The following ITGB2 variants were observed in gnomAD, a reference collection of about 807,000 sequenced individuals.
ITGB2 encodes the protein integrin beta-2.
In ITGB2, 56 loss-of-function variants were observed where a neutral mutation model predicts 86.8. That is an observed-to-expected ratio of 0.65 (90% CI 0.52 to 0.81). The LOEUF (loss-of-function observed/expected upper bound fraction) is 0.81, where lower values mean the gene tolerates loss of function less well. ITGB2 is among the 30% of genes least tolerant of loss of function. The pLI is 0.00. For synonymous variants in ITGB2, 457 were observed against 450.4 expected (o/e 1.01, Z -0.19); for missense variants, 948 against 1,061.2 (o/e 0.89, Z 1.48).
At chr21:44,895,701 C>T (rs1297816284) in intron 8 of ITGB2, among the ~76,000 whole-genome samples, 1 of 149,966 alleles carries the variant, frequency 6.7e-6, no homozygotes, top group South Asian at 2.1e-4. Flanking sequence ...ATTAGCTGGG[C>T]GTGGTGGTGG....
rs1437972539 is a variant in ITGB2 at position 44,889,507 on chromosome 21, G to A, written c.1658-12C>T. The A allele has an allele frequency of 6.4e-7, 1 of 1,552,664 alleles. No homozygotes were observed. Among genetic ancestry groups the A allele is most frequent in the Non-Finnish European group, 8.7e-7 (1 of 1,148,738 alleles). ...GCAGAGCCCCCTCCCTGGAAGACGG[G>A]GCAGCACGGCTAAGCTCCTGCTTGG... On this transcript the variant is annotated splice_polypyrimidine_tract_variant and intron_variant, in intron 12 of 15. Coordinates refer to ENST00000652462, the MANE Select transcript of ITGB2 (RefSeq NM_000211.5).
intron 1 of ITGB2, among the ~76,000 whole-genome samples, chr21:44,920,367 C>T (rs971344094): frequency 6.6e-6 from 1 of 152,176 alleles, no homozygotes; most frequent in Non-Finnish European, 1.5e-5. Context: ...CACTGCGAGT[C>T]GATCTGGAGA....
upstream of ITGB2, among the ~76,000 whole-genome samples, chr21:44,925,403 G>T (rs2084358602): frequency 1.0e-5 from 1 of 98,886 alleles, no homozygotes; most frequent in Non-Finnish European, 1.9e-5. Context: ...AAGAAAGGAA[G>T]AAGGAAGGGA....
At chr21:44,889,184 G>A (rs983048997) in intron 13 of ITGB2, 92 bp downstream of exon 13, 29 of 1,262,778 alleles carry the variant, frequency 2.3e-5, no homozygotes, top group Non-Finnish European at 1.5e-5. Flanking sequence ...GTGCAGAGGT[G>A]CTCACTGGGG....
In ITGB2 at chr21:44,888,737, T is replaced by C; in HGVS notation, c.2036A>G (p.Gln679Arg). ...GCWVAYTLEQQDGMDRYLIYV... is the reference protein window; with the variant it reads ...GCWVAYTLEQRDGMDRYLIYV... The stretch of plus-strand genomic sequence containing the variant: ...GATGAGGTAGCGGTCCATCCCGTCC[T>C]GCTGCTCCAGCGTGTAGGCCACCCA... The change falls in exon 14 of 16, where the codon CAG (glutamine) becomes CGG (arginine). Residue 679 changes from glutamine to arginine, a missense_variant. Physicochemically the swap from Gln to Arg is conservative, Grantham distance 43. Coordinates refer to ENST00000652462, the MANE Select transcript of ITGB2 (RefSeq NM_000211.5). The C allele has an allele frequency of 6.2e-7, 1 of 1,611,370 alleles. No homozygotes were observed. Among genetic ancestry groups the C allele is most frequent in the Non-Finnish European group, 8.5e-7 (1 of 1,179,964 alleles).
chr21:44,893,385 C>T lies in ITGB2; in HGVS notation c.1224+19G>A. The T allele has an allele frequency of 1.2e-6, 2 of 1,613,046 alleles. No individual in the cohort carries two copies. The highest frequency in any genetic ancestry group is 1.7e-6 in the Non-Finnish European group (2 of 1,179,432). On this transcript the variant is annotated intron_variant, in intron 10 of 15. Coordinates refer to ENST00000652462, the MANE Select transcript of ITGB2 (RefSeq NM_000211.5). The stretch of plus-strand genomic sequence containing the variant: ...GCCCCTCAGCAAGCTGGGATGGGGA[C>T]CCTTGTGGCCAGGCTCACCGGGACA...
chr21:44,893,735 G>C, intron 9 of ITGB2, 191 bp from the exon 10 acceptor site: 1 of 682,990 alleles, frequency 1.5e-6, no homozygotes, highest in Admixed American at 2.1e-5. Flanking sequence ...TCCTGCCCTC[G>C]AGACAGCCTG....
At chr21:44,892,075 C>T (rs2083793838) in intron 10 of ITGB2, 79 bp from the exon 11 acceptor site, 3 of 1,429,086 alleles carry the variant, frequency 2.1e-6, no homozygotes, top group Non-Finnish European at 2.9e-6. Context: ...CACCTCCTGG[C>T]CTCTGCAGGG....
At position 44,910,706 on chromosome 21, in the gene ITGB2, C is replaced by T. The variant is rs747110525; in HGVS notation, c.58+19G>A. ...GGAATGTCACGCGTGGAGTCCCCTC[C>T]GTGGAACACAGAACTCACCGCACCC... On this transcript the variant is annotated intron_variant, in intron 2 of 15. Coordinates refer to ENST00000652462, the MANE Select transcript of ITGB2 (RefSeq NM_000211.5). The T allele has an allele frequency of 9.9e-6, 16 of 1,612,876 alleles. No individual in the cohort carries two copies. Among genetic ancestry groups the T allele is most frequent in the African/African-American group, 1.3e-5 (1 of 74,916 alleles).
rs1255398278 is a variant in ITGB2 at position 44,895,140 on chromosome 21, CT to C, written c.994-81del. ...CCACGCACTGGGCTCACCCCAGGGGCTTCTGCACCTGCAAAATGGCTGGGAC... is the reference window on the plus strand; with the variant it reads ...CCACGCACTGGGCTCACCCCAGGGGCTCTGCACCTGCAAAATGGCTGGGAC... On this transcript the variant is annotated intron_variant, in intron 8 of 15. Transcript: ENST00000652462. 12 of 1,022,064 alleles carry C rather than the reference CT, an allele frequency of 1.2e-5. No individual in the cohort carries two copies. The East Asian group carries it at 2.8e-4, about 24-fold the overall frequency. 63.3% of individuals were successfully genotyped at this position (1,022,064 alleles called of 1,614,324 possible).
At chr21:44,898,900 C>T (rs751750121) in intron 8 of ITGB2, among the ~76,000 whole-genome samples, 167 bp downstream of exon 8, 24 of 152,206 alleles carry the variant, frequency 1.6e-4, no homozygotes, top group African/African-American at 5.8e-4. Flanking sequence ...CTGTCCCCGA[C>T]GGGAAGCCTC....
intron 1 of ITGB2, among the ~76,000 whole-genome samples, chr21:44,919,020 G>GATGAGCGTCCCCTCTCCCA: frequency 6.7e-6 from 1 of 149,724 alleles, no homozygotes; most frequent in Non-Finnish European, 1.5e-5. Context: ...AGCACTCGGA[G>GATGAGCGTCCCCTCTCCCA]GCACCTGCAG....
chr21:44,890,529 C>G (rs1285698872), intron 11 of ITGB2, among the ~76,000 whole-genome samples: 1 of 152,198 alleles, frequency 6.6e-6, no homozygotes, highest in African/African-American at 2.4e-5. Flanking sequence ...GCTGCGATAC[C>G]GGTGCTCTGT....
intron 8 of ITGB2, among the ~76,000 whole-genome samples, chr21:44,896,468 C>T (rs1378833371): frequency 3.3e-5 from 5 of 152,240 alleles, no homozygotes; most frequent in Admixed American, 6.5e-5. Flanking sequence ...GGCATCATTT[C>T]ACCTTCCAGG....
In ITGB2 at chr21:44,886,886, G is replaced by A; in HGVS notation, c.2097C>T (p.Pro699=). The A allele has an allele frequency of 1.2e-6, 2 of 1,613,252 alleles. No homozygotes were observed. Among genetic ancestry groups the A allele is most frequent in the South Asian group, 1.1e-5 (1 of 91,082 alleles). ...VDESRECVAG[P]NIAAIVGGTV... ...TGCCCCCGACGATGGCGGCGATGTT[G>A]GGGCCTGCCACACACTCTAGGGAAG... The change falls in exon 15 of 16, where the codon CCC becomes CCT. Residue 699 remains proline (P), a synonymous_variant. Coordinates refer to ENST00000652462, the MANE Select transcript of ITGB2 (RefSeq NM_000211.5).
chr21:44,923,039 C>G (rs937742776), upstream of ITGB2: 2 of 152,172 alleles, frequency 1.3e-5, no homozygotes, highest in Admixed American at 1.3e-4. Flanking sequence ...TATGCACACA[C>G]CTTTAATGAA....
chr21:44,911,653 G>A lies in ITGB2; in HGVS notation c.-3-868C>T, dbSNP rs1188449639. 4.6e-5 allele frequency among the ~76,000 whole-genome samples: 7 copies of A among 152,338 alleles called. No homozygotes were observed. In the South Asian group the frequency reaches 6.2e-4, roughly 14 times the overall value. ...TGACTTGCCCAAGCCACCAGTTGCC[G>A]GGGTCCTGCCCTTTTGTTTCCAGAT... On this transcript the variant is annotated intron_variant, in intron 1 of 15. Coordinates refer to ENST00000652462, the MANE Select transcript of ITGB2 (RefSeq NM_000211.5).
At position 44,901,683 on chromosome 21, in the gene ITGB2, G is replaced by A. The variant is rs367806842; in HGVS notation, c.550C>T (p.Pro184Ser). The A allele has an allele frequency of 1.1e-5, 18 of 1,613,748 alleles. No individual in the cohort carries two copies. In the African/African-American group the frequency reaches 2.1e-4, roughly 19 times the overall value. The change falls in exon 6 of 16, where the codon CCT becomes TCT. Residue 184 changes from proline to serine, a missense_variant. Transcript: ENST00000652462. The stretch of plus-strand genomic sequence containing the variant: ...GGGCATGGGTTTCGCAGCTTATCAG[G>A]GTGCGTGTTCACGAACGGCAGCACG... Reference protein sequence around the residue: ...KTVLPFVNTHPDKLRNPCPNK... With the variant: ...KTVLPFVNTHSDKLRNPCPNK...
At chr21:44,911,084 C>T in intron 1 of ITGB2, 1 of 513,332 alleles carries the variant, frequency 1.9e-6, no homozygotes, top group Non-Finnish European at 3.6e-6. Flanking sequence ...CAGACGTGTA[C>T]ACACACCACA....
Sources: gnomAD v4.1 joint callset for allele counts (sites outside exome capture counted in the v4.1 genomes callset) on GRCh38, gnomAD v4.1.1 for gene constraint, MANE v1.5 for transcripts, NCBI Gene and HGNC (gene_info 2026-07-23, HGNC 2026-07-21) for gene names.